Variants in STK39 observed in about 807,000 individuals in gnomAD.
The protein encoded by STK39 is serine/threonine kinase 39, also known as STE20/SPS1-related proline-alanine-rich protein kinase.
A neutral mutation model predicts 77.8 loss-of-function variants in STK39; 20 were observed. That is an observed-to-expected ratio of 0.26 (90% confidence interval 0.18 to 0.37). STK39 has a LOEUF of 0.37. STK39 is among the 10% of genes least tolerant of loss of function. The pLI is 1.00. For missense variants in STK39, 479 were observed against 656.5 expected (o/e 0.73, Z 2.95); for synonymous variants, 246 against 234.1 (o/e 1.05, Z -0.47).
intron 5 of STK39, among the ~76,000 whole-genome samples, chr2:168,159,785 C>T (rs565096478): frequency 3.4e-4 from 52 of 152,256 alleles, no homozygotes; most frequent in East Asian, 9.7e-4. Flanking sequence ...CAAAAAGATA[C>T]CAAGGAAGTC....
intron 1 of STK39, among the ~76,000 whole-genome samples, chr2:168,207,607 A>C (rs1302799036): frequency 6.6e-6 from 1 of 152,260 alleles, no homozygotes; most frequent in Non-Finnish European, 1.5e-5. Context: ...GGAGTAAATC[A>C]TATCCACAGC....
intron 12 of STK39, among the ~76,000 whole-genome samples, chr2:168,074,607 G>A (rs974669325): frequency 1.3e-5 from 2 of 152,146 alleles, no homozygotes; most frequent in African/African-American, 2.4e-5. Context: ...AAGACACTTT[G>A]CCTGTATGGT....
In STK39 at chr2:168,235,443, A is replaced by AT. The variant is rs35628764; in HGVS notation, c.208+11784dup. ...ATTAGGGCAGAATCACGAGCCTGGG[A>AT]TTTTTTTTTTTTTAATTATTATTAT... On this transcript the variant is annotated intron_variant, in intron 1 of 17. Transcript: ENST00000355999. Among the ~76,000 whole-genome samples, 431 of 147,584 alleles carry AT rather than the reference A, an allele frequency of 2.9e-3. 1 individual carries two copies. Among genetic ancestry groups the AT allele is most frequent in the East Asian group, 9.5e-3 (48 of 5,060 alleles).
chr2:167,976,454 A>G (rs1405623038), intron 16 of STK39, among the ~76,000 whole-genome samples: 1 of 152,200 alleles, frequency 6.6e-6, no homozygotes, highest in Non-Finnish European at 1.5e-5. Flanking sequence ...CAAAAGCTCA[A>G]CCACCTTTGT....
chr2:168,086,501 C>T (rs538938349), intron 10 of STK39, among the ~76,000 whole-genome samples: 1 of 152,022 alleles, frequency 6.6e-6, no homozygotes, highest in South Asian at 2.1e-4. Context: ...ACCAGTTCTG[C>T]TAAAATTAGG....
intron 16 of STK39, among the ~76,000 whole-genome samples, chr2:167,998,799 A>G (rs1683918134): frequency 6.6e-6 from 1 of 152,228 alleles, no homozygotes; most frequent in Non-Finnish European, 1.5e-5. Context: ...ACACTGGGAC[A>G]TCATCTCAGC....
intron 2 of STK39, among the ~76,000 whole-genome samples, chr2:168,171,844 G>GCCCCCCCCCCCCCCCCCC (rs374055488): frequency 1.8e-5 from 2 of 108,568 alleles, no homozygotes. Context: ...TCATTTCCAC[G>GCCCCCCCCCCCCCCCCCC]CCCCCCCCAC....
At chr2:168,118,602 C>CAAAA (rs35533319) in intron 10 of STK39, among the ~76,000 whole-genome samples, 86 of 119,312 alleles carry the variant, frequency 7.2e-4, no homozygotes, top group South Asian at 4.7e-3. Context: ...CATATGCTTT[C>CAAAA]AAAAAAAAAA....
chr2:168,219,508 T>TA (rs1295213026), intron 1 of STK39, among the ~76,000 whole-genome samples: 1 of 152,122 alleles, frequency 6.6e-6, no homozygotes, highest in Non-Finnish European at 1.5e-5. Flanking sequence ...TACTAAATCA[T>TA]AGAGAGTTGT....
At chr2:168,058,123 T>C (rs1685572859) in intron 14 of STK39, among the ~76,000 whole-genome samples, 1 of 152,214 alleles carries the variant, frequency 6.6e-6, no homozygotes, top group Non-Finnish European at 1.5e-5. Flanking sequence ...ACTAACAAGT[T>C]ATCTATTTGT....
At chr2:168,242,653 G>C (rs1442953095) in intron 1 of STK39, among the ~76,000 whole-genome samples, 1 of 147,302 alleles carries the variant, frequency 6.8e-6, no homozygotes, top group Admixed American at 6.9e-5. Flanking sequence ...GGAAGCCAAG[G>C]CCGGAGCATC....
intron 10 of STK39, among the ~76,000 whole-genome samples, chr2:168,114,231 C>T (rs1687198664): frequency 6.6e-6 from 1 of 152,172 alleles, no homozygotes; most frequent in Non-Finnish European, 1.5e-5. Context: ...TTGTGCTCTA[C>T]AGAGACAGGA....
chr2:168,144,304 T>G (rs1185416825), intron 5 of STK39, among the ~76,000 whole-genome samples: 1 of 152,060 alleles, frequency 6.6e-6, no homozygotes, highest in Non-Finnish European at 1.5e-5. Context: ...TATTTTTATT[T>G]ATTTATTTTA....
intron 10 of STK39, among the ~76,000 whole-genome samples, chr2:168,095,624 T>TC (rs1034855315): frequency 4.9e-4 from 3 of 6,114 alleles, no homozygotes; most frequent in Admixed American, 0.018. Context: ...TATCTCTTTC[T>TC]TTTTTTTTTT....
chr2:167,972,141 G>T (rs1214758109), intron 16 of STK39, among the ~76,000 whole-genome samples: 2 of 152,336 alleles, frequency 1.3e-5, no homozygotes, highest in African/African-American at 2.4e-5. Flanking sequence ...AAGGGAAAGG[G>T]AACCCAGAAG....
chr2:167,976,776 T>G (rs572787175), intron 16 of STK39, among the ~76,000 whole-genome samples: 1 of 152,258 alleles, frequency 6.6e-6, no homozygotes, highest in African/African-American at 2.4e-5. Context: ...TCCTCCAAAC[T>G]GTCTTTGAAA....
intron 2 of STK39, among the ~76,000 whole-genome samples, chr2:168,171,877 A>G (rs1688838849): frequency 2.2e-5 from 2 of 89,198 alleles, no homozygotes; most frequent in Admixed American, 2.8e-4. Flanking sequence ...CCCACACACA[A>G]AACATTATTT....
intron 14 of STK39, among the ~76,000 whole-genome samples, chr2:168,019,780 T>C (rs1231546198): frequency 6.6e-6 from 1 of 152,212 alleles, no homozygotes; most frequent in Non-Finnish European, 1.5e-5. Context: ...CTTGGCTCAC[T>C]GCAACCTCTG....
chr2:168,206,132 A>G (rs1052487397), intron 1 of STK39, among the ~76,000 whole-genome samples: 7 of 152,202 alleles, frequency 4.6e-5, no homozygotes, highest in African/African-American at 1.7e-4. Flanking sequence ...GCTGACAGCA[A>G]TGTCCTCATG....
Sources: gnomAD v4.1 joint callset for allele counts (sites outside exome capture counted in the v4.1 genomes callset) on GRCh38, gnomAD v4.1.1 for gene constraint, MANE v1.5 for transcripts, NCBI Gene and HGNC (gene_info 2026-07-23, HGNC 2026-07-21) for gene names.